DIP2B: variants seen among roughly 807,000 people sequenced by gnomAD.
DIP2B encodes DIP2 acetate--CoA ligase B (putative), also known as disco-interacting protein 2 homolog B.
In DIP2B, 76 loss-of-function variants were observed where a neutral mutation model predicts 198.0. The observed-to-expected ratio is 0.38, with a 90% CI of 0.32 to 0.46. DIP2B has a LOEUF of 0.46. Among genes scored for constraint, DIP2B ranks in the 20% least tolerant of loss-of-function variants. The pLI, the probability that DIP2B is intolerant of heterozygous loss-of-function variation, is 0.99. For synonymous variants in DIP2B, 701 were observed against 739.1 expected (o/e 0.95, Z 0.84); for missense variants, 1,559 against 1,978.4 (o/e 0.79, Z 4.02).
chr12:50,529,231 C>T (rs780451529), intron 1 of DIP2B, among the ~76,000 whole-genome samples: 2 of 152,114 alleles, frequency 1.3e-5, no homozygotes, highest in Admixed American at 6.6e-5. Flanking sequence ...GATGGAGGCT[C>T]CGGGAGCTGT....
chr12:50,723,324 G>A lies in DIP2B; in HGVS notation c.3288+1G>A. On this transcript the variant is annotated splice_donor_variant, in intron 27 of 37. Transcript: ENST00000301180. LOFTEE classifies it high-confidence loss of function. ...GCCCACTGTCCGAATGATTGTTGAT[G>A]TAAGTACCAGCTGTATCTTGCCTTG... The A allele has an allele frequency of 6.2e-7, 1 of 1,614,156 alleles. No individual in the cohort carries two copies. The highest frequency in any genetic ancestry group is 8.5e-7 in the Non-Finnish European group (1 of 1,180,004).
At chr12:50,575,572 A>C (rs1958652054) in intron 1 of DIP2B, among the ~76,000 whole-genome samples, 1 of 151,992 alleles carries the variant, frequency 6.6e-6, no homozygotes, top group Admixed American at 6.5e-5. Flanking sequence ...TTTCTTATAG[A>C]GACAGAGTTT....
chr12:50,593,737 T>TCCTCTCCTCTCCTCTCCTCTCCCCTCCC (rs1958845536), intron 1 of DIP2B, among the ~76,000 whole-genome samples: 2 of 5,606 alleles, frequency 3.6e-4, no homozygotes, highest in Non-Finnish European at 5.2e-4. Flanking sequence ...TCTCCTCTCC[T>TCCTCTCCTCTCCTCTCCTCTCCCCTCCC]CTCCTCTCCC....
chr12:50,736,922 C>A, intron 34 of DIP2B, 114 bp from the exon 35 acceptor site: 3 of 940,250 alleles, frequency 3.2e-6, no homozygotes, highest in Non-Finnish European at 5.0e-6. Context: ...GCCGCTACAG[C>A]TGGCTCGCCA....
At chr12:50,554,548 T>C (rs9634264) in intron 1 of DIP2B, among the ~76,000 whole-genome samples, 133,754 of 152,084 alleles carry the variant, frequency 0.88, 59,836 homozygotes, top group Non-Finnish European at 0.98. Flanking sequence ...TTGAATAGGT[T>C]GTTCCTGGAA....
intron 8 of DIP2B, 35 bp from the exon 9 acceptor site, chr12:50,680,637 T>C (rs770268998): frequency 1.3e-6 from 2 of 1,589,680 alleles, no homozygotes; most frequent in East Asian, 4.5e-5. Context: ...TTTTTTTTTC[T>C]ATATGACTGT....
intron 1 of DIP2B, among the ~76,000 whole-genome samples, chr12:50,511,273 C>T: frequency 7.2e-6 from 1 of 138,694 alleles, no homozygotes; most frequent in Non-Finnish European, 1.5e-5. Flanking sequence ...AAACCTATCC[C>T]TGACCAGTGT....
chr12:50,576,986 C>G (rs991834247), intron 1 of DIP2B, among the ~76,000 whole-genome samples: 12 of 151,948 alleles, frequency 7.9e-5, no homozygotes, highest in Admixed American at 2.0e-4. Context: ...GCCTCAGCCT[C>G]CTGAGTAGCT....
intron 1 of DIP2B, among the ~76,000 whole-genome samples, chr12:50,520,987 C>T: frequency 6.6e-6 from 1 of 152,102 alleles, no homozygotes; most frequent in East Asian, 1.9e-4. Flanking sequence ...TAAAATCCAA[C>T]CCTTGTTTCA....
intron 19 of DIP2B, 69 bp from the exon 20 acceptor site, chr12:50,704,071 C>T (rs1939470509): frequency 2.1e-6 from 3 of 1,403,492 alleles, no homozygotes; most frequent in Non-Finnish European, 3.0e-6. Flanking sequence ...TTTAATAAAA[C>T]TTTTTAAAAA....
At chr12:50,708,037 C>T (rs1939545932) in intron 21 of DIP2B, among the ~76,000 whole-genome samples, 1 of 152,132 alleles carries the variant, frequency 6.6e-6, no homozygotes, top group Non-Finnish European at 1.5e-5. Flanking sequence ...CTCGCGTCCT[C>T]ACCTCATTCA....
rs555112113 is a variant in DIP2B, at chr12:50,690,244, G to A, written c.1552-805G>A. 1.6e-4 allele frequency among the ~76,000 whole-genome samples: 24 copies of A among 152,154 alleles called. 1 individual carries two copies. The highest frequency in any genetic ancestry group is 3.4e-3 in the Middle Eastern group (1 of 294). On this transcript the variant is annotated intron_variant, in intron 12 of 37. Transcript: ENST00000301180. ...TGGGACTACAGGCGCCCGCCACTAC[G>A]CCCGGCTAATTTTTTGTATTTTTAG...
intron 32 of DIP2B, among the ~76,000 whole-genome samples, chr12:50,733,861 CTG>C (rs796819048): frequency 8.5e-5 from 13 of 152,334 alleles, no homozygotes; most frequent in African/African-American, 3.1e-4. Context: ...CTTGCTGTCA[CTG>C]TGGCCAATAC....
Position 50,558,899 on chromosome 12 carries a change from A to G in DIP2B, c.100+53659A>G, listed in dbSNP as rs114243045. Among the ~76,000 whole-genome samples, 1,005 of 152,314 alleles carry G rather than the reference A, an allele frequency of 6.6e-3. 11 individuals are homozygous for G. Among genetic ancestry groups the G allele is most frequent in the African/African-American group, 0.022 (924 of 41,568 alleles). ...GAGAAGGATTCACTGAAAGTTTAAG[A>G]AAAGACTCCAGAGCCTCCCTCTTCT... On this transcript the variant is annotated intron_variant, in intron 1 of 37. Coordinates refer to ENST00000301180, the MANE Select transcript of DIP2B (RefSeq NM_173602.3).
intron 1 of DIP2B, among the ~76,000 whole-genome samples, chr12:50,607,776 T>C (rs1958996298): frequency 6.6e-6 from 1 of 152,174 alleles, no homozygotes; most frequent in Admixed American, 6.5e-5. Flanking sequence ...GTTTGCTTGT[T>C]TTCTGGGTTT....
chr12:50,569,620 T>A, intron 1 of DIP2B, among the ~76,000 whole-genome samples: 1 of 152,224 alleles, frequency 6.6e-6, no homozygotes, highest in East Asian at 1.9e-4. Context: ...AGAGATGGTT[T>A]AGCCTTACTG....
chr12:50,624,030 A>G (rs1240349650), intron 1 of DIP2B, among the ~76,000 whole-genome samples: 1 of 152,248 alleles, frequency 6.6e-6, no homozygotes. Flanking sequence ...TAAACAGTAG[A>G]GCACAGGATA....
intron 1 of DIP2B, among the ~76,000 whole-genome samples, chr12:50,582,681 A>G (rs528330128): frequency 1.3e-5 from 2 of 152,326 alleles, no homozygotes; most frequent in Admixed American, 6.5e-5. Context: ...CAGTGAAAAC[A>G]CATGACCCAT....
chr12:50,677,685 A>C (rs1938971755), intron 7 of DIP2B, among the ~76,000 whole-genome samples: 2 of 152,024 alleles, frequency 1.3e-5, no homozygotes. Flanking sequence ...TTCATTTTAG[A>C]AATTAAGAGG....
Sources: allele counts gnomAD v4.1 joint callset (sites outside exome capture counted in the v4.1 genomes callset), GRCh38; gene constraint gnomAD v4.1.1; transcripts MANE v1.5; gene names NCBI Gene and HGNC (gene_info 2026-07-23, HGNC 2026-07-21).